The following MGAT4C variants were observed in gnomAD, a reference collection of about 807,000 sequenced individuals.
MGAT4C encodes the protein MGAT4 family member C.
Under a neutral mutation model 40.1 loss-of-function variants are expected in MGAT4C, and 19 were observed. The ratio of observed to expected loss-of-function variants is 0.47; its 90% CI spans 0.33 to 0.70. The LOEUF (loss-of-function observed/expected upper bound fraction) is 0.70, where lower values mean the gene tolerates loss of function less well. Ranked by LOEUF, MGAT4C falls within the 30% of genes least tolerant of loss-of-function variation. MGAT4C has a pLI of 0.02. For synonymous variants in MGAT4C, 181 were observed against 187.1 expected (o/e 0.97, Z 0.27); for missense variants, 491 against 563.2 (o/e 0.87, Z 1.30).
intron 1 of MGAT4C, among the ~76,000 whole-genome samples, chr12:86,100,904 G>T (rs1262131671): frequency 6.6e-6 from 1 of 151,486 alleles, no homozygotes; most frequent in Non-Finnish European, 1.5e-5. Flanking sequence ...GATACTTGTG[G>T]CATACATAAT....
At chr12:86,686,947 G>A (rs1488292583) in intron 2 of MGAT4C, among the ~76,000 whole-genome samples, 1 of 152,184 alleles carries the variant, frequency 6.6e-6, no homozygotes, top group Admixed American at 6.6e-5. Flanking sequence ...GAATTTGGCT[G>A]TGAATCCGTC....
At chr12:86,035,264 C>T (rs567977258) in intron 2 of MGAT4C, among the ~76,000 whole-genome samples, 3 of 150,296 alleles carry the variant, frequency 2.0e-5, no homozygotes, top group South Asian at 4.2e-4. Context: ...GATCACCATT[C>T]TTACTAGCAT....
chr12:86,476,045 T>G (rs972379844), intron 2 of MGAT4C, among the ~76,000 whole-genome samples: 1 of 152,108 alleles, frequency 6.6e-6, no homozygotes, highest in African/African-American at 2.4e-5. Flanking sequence ...AATGTCTCAT[T>G]GTACATGTGT....
intron 1 of MGAT4C, among the ~76,000 whole-genome samples, chr12:86,213,596 T>C (rs1350188680): frequency 1.3e-5 from 2 of 151,740 alleles, no homozygotes; most frequent in African/African-American, 4.8e-5. Context: ...TTATGTTTAA[T>C]GGTTCCTTAA....
In MGAT4C at chr12:86,247,622, G is replaced by A. The variant is rs966846978; in HGVS notation, c.-57+8617C>T. Among the ~76,000 whole-genome samples the A allele has an allele frequency of 2.5e-4, 38 of 152,172 alleles. 1 individual carries two copies. The highest frequency in any genetic ancestry group is 2.9e-5 in the Non-Finnish European group (2 of 68,036). ...TCCTTAAGGCTGTGCTTCTTTAACT[G>A]AGAATTGAATAATAAATTTGAAGTA... On this transcript the variant is annotated intron_variant, in intron 1 of 4. Transcript: ENST00000611864.
At chr12:86,330,294 C>T (rs1048507334) in intron 4 of MGAT4C, among the ~76,000 whole-genome samples, 1 of 152,142 alleles carries the variant, frequency 6.6e-6, no homozygotes, top group African/African-American at 2.4e-5. Context: ...TCAAATTATT[C>T]TTTTACATAA....
At chr12:86,660,691 G>A (rs1320036522) in intron 2 of MGAT4C, among the ~76,000 whole-genome samples, 2 of 151,988 alleles carry the variant, frequency 1.3e-5, no homozygotes, top group East Asian at 1.9e-4. Context: ...AATATTTAAC[G>A]GTACCCTTTT....
chr12:86,037,110 G>A (rs1891311635), intron 2 of MGAT4C, among the ~76,000 whole-genome samples: 1 of 150,016 alleles, frequency 6.7e-6, no homozygotes. Context: ...ATGGTAATTT[G>A]TATTTCTGTG....
At chr12:86,658,812 T>C (rs1963908968) in intron 2 of MGAT4C, among the ~76,000 whole-genome samples, 1 of 152,114 alleles carries the variant, frequency 6.6e-6, no homozygotes, top group Admixed American at 6.6e-5. Flanking sequence ...TTTGGCCATG[T>C]GACTTGTGTT....
intron 1 of MGAT4C, among the ~76,000 whole-genome samples, chr12:86,134,010 G>T (rs900696997): frequency 2.0e-5 from 3 of 151,840 alleles, no homozygotes; most frequent in African/African-American, 7.3e-5. Context: ...AAGTTCAAAT[G>T]CTACGTTTGC....
intron 1 of MGAT4C, among the ~76,000 whole-genome samples, chr12:86,078,206 T>C (rs1310662331): frequency 1.3e-5 from 2 of 152,160 alleles, no homozygotes; most frequent in East Asian, 1.9e-4. Context: ...TAGAGAACTT[T>C]GCCCCAGCCC....
intron 3 of MGAT4C, among the ~76,000 whole-genome samples, chr12:86,432,130 A>G (rs1277222993): frequency 1.3e-5 from 2 of 152,132 alleles, no homozygotes; most frequent in Non-Finnish European, 2.9e-5. Context: ...GAATTGAATC[A>G]TTACCTCTTA....
intron 3 of MGAT4C, among the ~76,000 whole-genome samples, chr12:86,356,896 C>T (rs1955326740): frequency 6.6e-6 from 1 of 152,186 alleles, no homozygotes; most frequent in Non-Finnish European, 1.5e-5. Context: ...CCTCTGGGGG[C>T]AGGGCATGGC....
Position 86,013,761 on chromosome 12 carries a change from T to C in MGAT4C, c.-6-24209A>G, listed in dbSNP as rs907256185. 3.1e-6 allele frequency: 3 copies of C among 983,300 alleles called. No homozygotes were observed. In the African/African-American group the frequency reaches 5.3e-5, roughly 17 times the overall value. The allele number at this position is 983,300 out of a possible 1,614,324, so 60.9% of individuals were successfully genotyped here. On this transcript the variant is annotated intron_variant, in intron 2 of 4. Coordinates refer to ENST00000611864, the MANE Select transcript of MGAT4C (RefSeq NM_001351288.2). ...AGTGTCAGTCAGGTCCACAGAATCT[T>C]AGTGAAAAAAAAAAAAAAGACTTTC...
chr12:86,168,517 C>G (rs1343730479), intron 1 of MGAT4C, among the ~76,000 whole-genome samples: 2 of 151,908 alleles, frequency 1.3e-5, no homozygotes, highest in African/African-American at 4.8e-5. Flanking sequence ...AAACAAAAAA[C>G]AAACAAACAA....
At chr12:86,112,449 T>C (rs188893824) in intron 1 of MGAT4C, among the ~76,000 whole-genome samples, 3 of 151,860 alleles carry the variant, frequency 2.0e-5, no homozygotes, top group East Asian at 3.9e-4. Flanking sequence ...GCAGACAGCA[T>C]TGCCCCCTTC....
At chr12:86,727,101 T>A (rs1476954979) in intron 2 of MGAT4C, 31 of 152,172 alleles carry the variant, frequency 2.0e-4, no homozygotes, top group Admixed American at 2.0e-3. Flanking sequence ...TCATTTATAC[T>A]GTTAAATCCA....
At chr12:86,518,540 T>C (rs1484276573) in intron 2 of MGAT4C, among the ~76,000 whole-genome samples, 1 of 152,192 alleles carries the variant, frequency 6.6e-6, no homozygotes, top group Non-Finnish European at 1.5e-5. Context: ...ATAGCAAATA[T>C]TGAAGAGGAT....
At chr12:86,274,671 C>A (rs1167354937) in intron 4 of MGAT4C, among the ~76,000 whole-genome samples, 2 of 152,052 alleles carry the variant, frequency 1.3e-5, no homozygotes, top group African/African-American at 4.8e-5. Context: ...ATATGAAAAG[C>A]AAAAGTAGTA....
Sources: gnomAD v4.1 joint callset for allele counts (sites outside exome capture counted in the v4.1 genomes callset) on GRCh38, gnomAD v4.1.1 for gene constraint, MANE v1.5 for transcripts, NCBI Gene and HGNC (gene_info 2026-07-23, HGNC 2026-07-21) for gene names.